The following WDR27 variants were observed in gnomAD, a reference collection of about 807,000 sequenced individuals.
The protein encoded by WDR27 is WD repeat-containing protein 27.
WDR27 carries 100 observed loss-of-function variants against 114.4 expected under a neutral mutation model. The observed-to-expected ratio is 0.87, with a 90% CI of 0.74 to 1.03. The LOEUF (loss-of-function observed/expected upper bound fraction) is 1.03. Ranked by LOEUF, WDR27 falls within the 50% of genes least tolerant of loss-of-function variation. The pLI is 0.00. For missense variants in WDR27, 1,129 were observed against 1,092.9 expected, an observed-to-expected ratio of 1.03 and a Z score of -0.47; for synonymous variants, 449 against 423.1, an observed-to-expected ratio of 1.06 and a Z score of -0.75.
chr6:169,689,007 T>C lies in WDR27; in HGVS notation c.-2A>G. 1 of 1,608,532 alleles carries C rather than the reference T, an allele frequency of 6.2e-7. No homozygotes were observed. Among genetic ancestry groups the C allele is most frequent in the Non-Finnish European group, 8.5e-7 (1 of 1,177,386 alleles). On this transcript the variant is annotated 5_prime_UTR_variant, in exon 2 of 26. Transcript: ENST00000448612. Reference sequence around the variant, plus strand: ...GAAAATGTCTTGGGGATTTTCCATCTTCAATCTGAAAACAAAAAGTACATA... The same window carrying C: ...GAAAATGTCTTGGGGATTTTCCATCCTCAATCTGAAAACAAAAAGTACATA...
Position 169,660,646 on chromosome 6 carries a change from G to C in WDR27, c.1129+17C>G. 6.2e-7 allele frequency: 1 copy of C among 1,600,834 alleles called. No individual in the cohort carries two copies. Among genetic ancestry groups the C allele is most frequent in the East Asian group, 2.2e-5 (1 of 44,826 alleles). ...GAAAACATTACAGTTACATGGCGTTGAAATCAAAGATCTTACCCTTGTAAT... is the reference window on the plus strand; with the variant it reads ...GAAAACATTACAGTTACATGGCGTTCAAATCAAAGATCTTACCCTTGTAAT... On this transcript the variant is annotated intron_variant, in intron 10 of 25. Transcript: ENST00000448612.
intron 25 of WDR27, among the ~76,000 whole-genome samples, chr6:169,483,591 G>T (rs1038528013): frequency 1.3e-5 from 2 of 152,024 alleles, no homozygotes; most frequent in Non-Finnish European, 2.9e-5. Context: ...AGAAGAGCTG[G>T]TACCATTCCT....
chr6:169,575,981 G>A (rs1334376476), intron 24 of WDR27, among the ~76,000 whole-genome samples: 3 of 152,334 alleles, frequency 2.0e-5, no homozygotes, highest in South Asian at 2.1e-4. Flanking sequence ...TCTGCCATGC[G>A]TTCCTGAAGA....
At chr6:169,531,199 A>G (rs982181694) in intron 25 of WDR27, among the ~76,000 whole-genome samples, 7 of 152,228 alleles carry the variant, frequency 4.6e-5, no homozygotes, top group African/African-American at 1.4e-4. Flanking sequence ...CAATAAGTGA[A>G]TTGATGCTGG....
In WDR27 at chr6:169,668,142, T is replaced by C. The variant is rs775782166; in HGVS notation, c.500A>G (p.Asn167Ser). The change falls in exon 5 of 26, where the codon AAC becomes AGC. Residue 167 changes from asparagine to serine, a missense_variant. By Grantham distance (46) the Asn-to-Ser change is conservative. Transcript: ENST00000448612. ...GGTCGGTGGTGGGACTTTGTGGCGG[T>C]TATTAACATCAGGACGTTCTATGTA... ...VTYIERPDVN[N>S]RHKVPPPTFL... is the part of the protein sequence containing the mutation. The C allele has an allele frequency of 4.3e-6, 7 of 1,613,744 alleles. No homozygotes were observed. Among genetic ancestry groups the C allele is most frequent in the Non-Finnish European group, 5.9e-6 (7 of 1,179,874 alleles).
intron 23 of WDR27, among the ~76,000 whole-genome samples, chr6:169,594,246 G>C (rs1806342351): frequency 1.3e-5 from 2 of 152,054 alleles, no homozygotes; most frequent in Non-Finnish European, 2.9e-5. Context: ...GAAATTTTTT[G>C]GTTTTTAAAT....
At chr6:169,480,243 G>A (rs946359495) in intron 25 of WDR27, among the ~76,000 whole-genome samples, 15 of 152,178 alleles carry the variant, frequency 9.9e-5, no homozygotes, top group African/African-American at 2.7e-4. Flanking sequence ...TGCCATGCTC[G>A]AATTCTCGCC....
At chr6:169,600,808 A>C (rs1019209368) in intron 23 of WDR27, among the ~76,000 whole-genome samples, 12 of 152,206 alleles carry the variant, frequency 7.9e-5, no homozygotes, top group African/African-American at 2.7e-4. Context: ...GAAATATGGG[A>C]CTATGTGAAA....
intron 8 of WDR27, 145 bp downstream of exon 8, chr6:169,664,021 C>T (rs1268171773): frequency 9.2e-6 from 7 of 759,802 alleles, no homozygotes; most frequent in Non-Finnish European, 1.4e-5. Context: ...CCTGCAGGGC[C>T]TCAGTGGTTT....
Position 169,616,495 on chromosome 6 carries a change from TAAG to T in WDR27, c.2224-2842_2224-2840del, listed in dbSNP as rs144831448. On this transcript the variant is annotated intron_variant, in intron 21 of 25. Transcript: ENST00000448612. The stretch of plus-strand genomic sequence containing the variant: ...GAGCAAGACTCCGTCTCCAAAAAAA[TAAG>T]AAGAAGAAGAAGAAGAAACTGACAA... Among the ~76,000 whole-genome samples the T allele has an allele frequency of 4.8e-3, 723 of 151,228 alleles. 6 individuals carry two copies. Among genetic ancestry groups the T allele is most frequent in the East Asian group, 0.032 (166 of 5,128 alleles).
At chr6:169,541,274 A>C (rs1450455817) in intron 25 of WDR27, among the ~76,000 whole-genome samples, 1 of 152,258 alleles carries the variant, frequency 6.6e-6, no homozygotes, top group East Asian at 1.9e-4. Context: ...ACAGTAGAAC[A>C]AACCAATATT....
Position 169,659,188 on chromosome 6 carries a change from G to A in WDR27, c.1217C>T (p.Ser406Phe), listed in dbSNP as rs754838684. ...ADQKVLCLLA[S>F]LFGGKIAVLE... ...CACGGCAATCTTCCCGCCAAAGAGG[G>A]AGGCCAGCAAGCACAGCACCTGCAG... Residue 406 changes from serine to phenylalanine, a missense_variant, in exon 12 of 26, where the codon TCC (serine) becomes TTC (phenylalanine). Ser to Phe is a radical substitution (Grantham distance 155). Coordinates refer to ENST00000448612, the MANE Select transcript of WDR27 (RefSeq NM_182552.5). This position sits in a 1 kb window ranked among gnomAD's most constrained non-coding sequence, Gnocchi z 4.3. 3.7e-6 allele frequency: 6 copies of A among 1,609,824 alleles called. No individual in the cohort carries two copies. In the South Asian group the frequency reaches 4.4e-5, roughly 12 times the overall value.
chr6:169,645,332 C>A (rs1584859278), intron 16 of WDR27, among the ~76,000 whole-genome samples: 1 of 149,082 alleles, frequency 6.7e-6, no homozygotes, highest in East Asian at 2.0e-4. Flanking sequence ...ACGAGTCACA[C>A]TGTAGAAATT....
At chr6:169,620,128 C>A (rs1339336825) in intron 21 of WDR27, among the ~76,000 whole-genome samples, 4 of 152,166 alleles carry the variant, frequency 2.6e-5, no homozygotes, top group Non-Finnish European at 5.9e-5. Flanking sequence ...AGAGCCTAGT[C>A]CTCACCCCTT....
intron 23 of WDR27, among the ~76,000 whole-genome samples, chr6:169,587,120 A>G (rs904164968): frequency 5.3e-5 from 8 of 151,472 alleles, no homozygotes; most frequent in Non-Finnish European, 1.2e-4. Context: ...TTACCAATAA[A>G]TGTCCTTTGT....
Position 169,659,934 on chromosome 6 carries a change from G to A in WDR27, c.1130-416C>T, listed in dbSNP as rs931832982. Among the ~76,000 whole-genome samples, 4 of 151,952 alleles carry A rather than the reference G, an allele frequency of 2.6e-5. No homozygotes were observed. The highest frequency in any genetic ancestry group is 2.1e-4 in the South Asian group (1 of 4,820). On this transcript the variant is annotated intron_variant, in intron 10 of 25. Transcript: ENST00000448612. The surrounding 1 kb of genome is among the most constrained non-coding windows in gnomAD (Gnocchi z 4.3). ...CCTGGCTGAGCTGGGGAGGGGCAGG[G>A]ATGGGCGGCTGAAGGGAAGGGCGTG...
chr6:169,464,530 G>C (rs1224895051), intron 25 of WDR27, among the ~76,000 whole-genome samples: 1 of 152,168 alleles, frequency 6.6e-6, no homozygotes, highest in Non-Finnish European at 1.5e-5. Flanking sequence ...AAATAGACAA[G>C]TGGAAAAATT....
intron 1 of WDR27, among the ~76,000 whole-genome samples, chr6:169,695,596 C>T (rs1785693410): frequency 6.6e-6 from 1 of 152,090 alleles, no homozygotes; most frequent in African/African-American, 2.4e-5. Flanking sequence ...CCTTTTGCAC[C>T]AATTACATAA....
rs531354601 is a variant in WDR27 at position 169,647,280 on chromosome 6, T to C, written c.1657+493A>G. Among the ~76,000 whole-genome samples the C allele has an allele frequency of 3.9e-5, 6 of 152,320 alleles. No individual in the cohort carries two copies. In the South Asian group the frequency reaches 1.0e-3, roughly 26 times the overall value. On this transcript the variant is annotated intron_variant, in intron 16 of 25. Coordinates refer to ENST00000448612, the MANE Select transcript of WDR27 (RefSeq NM_182552.5). Reference sequence around the variant, plus strand: ...ACGGAAGCCGAGACACACTCAGCCCTGCAGGAAAAGGTCCCGGCTGAGGGT... The same window carrying C: ...ACGGAAGCCGAGACACACTCAGCCCCGCAGGAAAAGGTCCCGGCTGAGGGT...
Sources: gnomAD v4.1 joint callset for allele counts (sites outside exome capture counted in the v4.1 genomes callset) on GRCh38, gnomAD v4.1.1 for gene constraint, Gnocchi (gnomAD v3.1) non-coding constraint, MANE v1.5 for transcripts, NCBI Gene and HGNC (gene_info 2026-07-23, HGNC 2026-07-21) for gene names.